Variants in MED24 observed in about 807,000 individuals in gnomAD.
MED24 encodes mediator of RNA polymerase II transcription subunit 24.
In MED24, 74 loss-of-function variants were observed where a neutral mutation model predicts 118.8. The ratio of observed to expected loss-of-function variants is 0.62; its 90% confidence interval spans 0.52 to 0.76. MED24 has a LOEUF of 0.76. Ranked by LOEUF, MED24 falls within the 30% of genes least tolerant of loss-of-function variation. The pLI is 0.00. For missense variants in MED24, 1,041 were observed against 1,278.9 expected, an observed-to-expected ratio of 0.81 and a Z score of 2.84; for synonymous variants, 521 against 523.9, an observed-to-expected ratio of 0.99 and a Z score of 0.08.
intron 3 of MED24, among the ~76,000 whole-genome samples, chr17:40,048,021 C>A (rs184246487): frequency 1.3e-5 from 2 of 152,244 alleles, no homozygotes; most frequent in Non-Finnish European, 2.9e-5. Context: ...TGAGCCACTG[C>A]GCCCAGCGCA....
At chr17:40,044,937 A>C (rs1335983429) in intron 3 of MED24, among the ~76,000 whole-genome samples, 5 of 152,056 alleles carry the variant, frequency 3.3e-5, no homozygotes, top group African/African-American at 1.2e-4. Flanking sequence ...ATACTGTCAG[A>C]CATTACGGAT....
Position 40,022,009 on chromosome 17 carries a change from A to G in MED24, c.2569T>C (p.Leu857=), listed in dbSNP as rs779673685. 5.0e-6 allele frequency: 8 copies of G among 1,611,886 alleles called. No homozygotes were observed. The highest frequency in any genetic ancestry group is 2.7e-5 in the African/African-American group (2 of 74,816). ...FPLDDVQPSK[L]MRLLSSNEDD... is the part of the protein sequence containing the mutation. ...TCATTAGAGCTCAGCAGTCGCATCA[A>G]CTTCGAAGGCTGCACATCGTCCAGG... is the stretch of plus-strand genomic sequence containing the variant. Residue 857 remains leucine (L), a synonymous_variant, in exon 23 of 26, where the codon TTG becomes CTG. Transcript: ENST00000394128.
rs187202134 is a variant in MED24 at position 40,045,187 on chromosome 17, G to A, written c.213+8111C>T. On this transcript the variant is annotated intron_variant, in intron 3 of 25. Transcript: ENST00000394128. ...GGCTGGGCCAGGCACAGTGGCTCAC[G>A]CCTGTGATCCCAGCACTTTGGGAGG... Among the ~76,000 whole-genome samples the A allele has an allele frequency of 4.9e-3, 744 of 152,220 alleles. 4 individuals are homozygous for A. The highest frequency in any genetic ancestry group is 0.031 in the Middle Eastern group (9 of 292).
At chr17:40,041,929 T>C (rs1348664722) in intron 3 of MED24, among the ~76,000 whole-genome samples, 1 of 152,332 alleles carries the variant, frequency 6.6e-6, no homozygotes, top group African/African-American at 2.4e-5. Context: ...CTTAATCAAA[T>C]TTTATTAGAA....
At chr17:40,021,914 C>T in intron 23 of MED24, 41 bp downstream of exon 23, 1 of 1,430,290 alleles carries the variant, frequency 7.0e-7, no homozygotes. Flanking sequence ...GGAGTGAATT[C>T]CCAGGAAAAG....
chr17:40,050,070 A>C (rs1985659929), intron 3 of MED24, among the ~76,000 whole-genome samples: 1 of 148,410 alleles, frequency 6.7e-6, no homozygotes, highest in African/African-American at 2.5e-5. Flanking sequence ...GAATTGCTTG[A>C]GCCCAAGGAG....
Position 40,026,666 on chromosome 17 carries a change from A to G in MED24, c.1790T>C (p.Leu597Pro). The G allele has an allele frequency of 6.2e-7, 1 of 1,610,840 alleles. No individual in the cohort carries two copies. The highest frequency in any genetic ancestry group is 1.3e-5 in the African/African-American group (1 of 75,022). Residue 597 changes from leucine (L) to proline (P), a missense_variant, in exon 18 of 26, where the codon CTG becomes CCG. Physicochemically the swap from Leu to Pro is moderately conservative, Grantham distance 98. Around this residue, in one of 3 missense-constraint regions of MED24, gnomAD observed 587 missense variants for 694.4 expected, o/e 0.85. Coordinates refer to ENST00000394128, the MANE Select transcript of MED24 (RefSeq NM_014815.4). ...EILNAWENGVLAFESIQKITD... is the reference protein window; with the variant it reads ...EILNAWENGVPAFESIQKITD... ...GGCTACCTGGATGGACTCGAAGGCCAGGACCCCATTCTCCCAGGCATTGAG... is the reference window on the plus strand; with the variant it reads ...GGCTACCTGGATGGACTCGAAGGCCGGGACCCCATTCTCCCAGGCATTGAG...
At chr17:40,051,334 G>A (rs1488944530) in intron 3 of MED24, among the ~76,000 whole-genome samples, 7 of 151,906 alleles carry the variant, frequency 4.6e-5, no homozygotes, top group East Asian at 1.9e-4. Context: ...AAGGCTGGGC[G>A]GCCGGGCACA....
chr17:40,022,032 A>G lies in MED24; in HGVS notation c.2546T>C (p.Leu849Pro). The change falls in exon 23 of 26, where the codon CTG becomes CCG. Residue 849 changes from leucine (L) to proline (P), a missense_variant. Physicochemically the swap from Leu to Pro is moderately conservative, Grantham distance 98. This residue lies in a region of MED24 where 587 missense variants were observed against 694.4 expected (regional missense o/e 0.85). Coordinates refer to ENST00000394128, the MANE Select transcript of MED24 (RefSeq NM_014815.4). The part of the protein sequence containing the change: ...DIEDYISLFP[L>P]DDVQPSKLMR... ...CAACTTCGAAGGCTGCACATCGTCCAGGGGGAAGAGGCTGATATAATCCTA... is the reference window on the plus strand; with the variant it reads ...CAACTTCGAAGGCTGCACATCGTCCGGGGGGAAGAGGCTGATATAATCCTA... 6.2e-7 allele frequency: 1 copy of G among 1,610,718 alleles called. No homozygotes were observed.
In MED24 at chr17:40,035,732, C is replaced by T; in HGVS notation, c.316G>A (p.Asp106Asn). Reference protein sequence around the residue: ...ALLDIMDMFCDRLSCHGKAEE... With the variant: ...ALLDIMDMFCNRLSCHGKAEE... ...TACCCCTGCCCTTACCTCAGACGGT[C>T]ACAAAACATGTCCATGATGTCCAGC... The change falls in exon 5 of 26, where the codon GAC becomes AAC. Residue 106 changes from aspartate to asparagine, a missense_variant. By Grantham distance (23) the Asp-to-Asn change is conservative. This residue lies in a region of MED24 where 434 missense variants were observed against 514.9 expected (regional missense o/e 0.84). Transcript: ENST00000394128. 1 of 1,614,020 alleles carries T rather than the reference C, an allele frequency of 6.2e-7. No homozygotes were observed. Among genetic ancestry groups the T allele is most frequent in the Non-Finnish European group, 8.5e-7 (1 of 1,179,982 alleles).
rs770712637 is a variant in MED24, at chr17:40,026,996, G to A, written c.1569C>T (p.Pro523=). 19 of 1,614,066 alleles carry A rather than the reference G, an allele frequency of 1.2e-5. No homozygotes were observed. The African/African-American group carries it at 2.1e-4, about 18-fold the overall frequency. ...LSESRTGAEV[P]FFETWMQTCM... ...AGGTCTGCATCCAGGTCTCGAAGAAGGGCACCTCAGCTCCTGTGCGCGACT... is the reference window on the plus strand; with the variant it reads ...AGGTCTGCATCCAGGTCTCGAAGAAAGGCACCTCAGCTCCTGTGCGCGACT... The change falls in exon 17 of 26, where the codon CCC becomes CCT. Residue 523 remains proline (P), a synonymous_variant. Coordinates refer to ENST00000394128, the MANE Select transcript of MED24 (RefSeq NM_014815.4).
chr17:40,022,968 G>A, intron 20 of MED24, 142 bp from the exon 21 acceptor site: 1 of 1,343,350 alleles, frequency 7.4e-7, no homozygotes, highest in Non-Finnish European at 1.0e-6. Context: ...CTGAATCCCA[G>A]TCTCTGGCCA....
intron 3 of MED24, among the ~76,000 whole-genome samples, chr17:40,041,289 A>G (rs1046009028): frequency 1.3e-5 from 2 of 151,888 alleles, no homozygotes; most frequent in Non-Finnish European, 2.9e-5. Flanking sequence ...TCTTGATAAC[A>G]CTCTCACTTT....
At chr17:40,038,640 G>A (rs1984219192) in intron 3 of MED24, among the ~76,000 whole-genome samples, 1 of 151,646 alleles carries the variant, frequency 6.6e-6, no homozygotes, top group South Asian at 2.1e-4. Flanking sequence ...GAACCCAGGA[G>A]GCAGTGGTTG....
rs377654623 is a variant in MED24 at position 40,031,247 on chromosome 17, T to C, written c.1068-2A>G. The stretch of plus-strand genomic sequence containing the variant: ...AGCAGGAAGTTTGTACAGTCACAGC[T>C]GTGAGGGAGAAAGATGCTGAGGGAA... On this transcript the variant is annotated splice_acceptor_variant, in intron 11 of 25. Coordinates refer to ENST00000394128, the MANE Select transcript of MED24 (RefSeq NM_014815.4). LOFTEE classifies it high-confidence loss of function. The C allele has an allele frequency of 6.4e-7, 1 of 1,562,676 alleles. No homozygotes were observed. Among genetic ancestry groups the C allele is most frequent in the African/African-American group, 1.4e-5 (1 of 73,818 alleles).
rs1442933310 is a variant in MED24, at chr17:40,028,861, A to AGTG, written c.1371_1373dup (p.Thr458dup). 1.2e-6 allele frequency: 2 copies of AGTG among 1,613,924 alleles called. No homozygotes were observed. The highest frequency in any genetic ancestry group is 2.7e-5 in the African/African-American group (2 of 74,920). On this transcript the variant is annotated inframe_insertion, in exon 14 of 26. Transcript: ENST00000394128. ...TCCGGGCGAAGGATTTCAGCTTTCC[A>AGTG]GTGGCGGCGGCGGCAGCCAGCAGCA...
intron 20 of MED24, 137 bp downstream of exon 20, chr17:40,022,994 G>A: frequency 7.3e-7 from 1 of 1,368,044 alleles, no homozygotes; most frequent in South Asian, 1.4e-5. Flanking sequence ...CCCCAAGGAG[G>A]CAACTCTGAG....
intron 3 of MED24, among the ~76,000 whole-genome samples, chr17:40,037,380 C>T (rs557877158): frequency 2.2e-4 from 33 of 152,096 alleles, no homozygotes; most frequent in Middle Eastern, 3.2e-3. Flanking sequence ...CTCTGTGCTC[C>T]AAGTAATCAC....
intron 3 of MED24, among the ~76,000 whole-genome samples, chr17:40,050,099 C>G (rs560289056): frequency 7.1e-4 from 101 of 143,098 alleles, no homozygotes; most frequent in African/African-American, 2.6e-3. Flanking sequence ...TGCAGTGAGC[C>G]GAGATCGCAC....
Sources: allele counts gnomAD v4.1 joint callset (sites outside exome capture counted in the v4.1 genomes callset), GRCh38; gene constraint gnomAD v4.1.1; regional missense constraint gnomAD v4.1.1; transcripts MANE v1.5; gene names NCBI Gene and HGNC (gene_info 2026-07-23, HGNC 2026-07-21).